Variants in TMEFF2 observed in about 807,000 individuals in gnomAD.
TMEFF2 encodes the protein transmembrane protein with EGF like and two follistatin like domains 2.
Under a neutral mutation model 53.8 loss-of-function variants are expected in TMEFF2, and 28 were observed. The observed-to-expected ratio is 0.52, with a 90% CI of 0.39 to 0.71. The LOEUF (loss-of-function observed/expected upper bound fraction) is 0.71, where lower values mean the gene tolerates loss of function less well. Among genes scored for constraint, TMEFF2 ranks in the 30% least tolerant of loss-of-function variants. The pLI is 0.00. For missense variants in TMEFF2, 353 were observed against 455.2 expected, an observed-to-expected ratio of 0.78 and a Z score of 2.04; for synonymous variants, 162 against 166.3, an observed-to-expected ratio of 0.97 and a Z score of 0.20.
intron 7 of TMEFF2, among the ~76,000 whole-genome samples, chr2:191,971,787 TAGAG>T (rs1376345863): frequency 1.3e-5 from 2 of 152,108 alleles, no homozygotes; most frequent in African/African-American, 4.8e-5. Context: ...GCATGCATAT[TAGAG>T]AGTGAGATAG....
intron 4 of TMEFF2, among the ~76,000 whole-genome samples, chr2:192,061,777 T>G (rs1688049840): frequency 6.6e-6 from 1 of 151,884 alleles, no homozygotes; most frequent in Non-Finnish European, 1.5e-5. Flanking sequence ...GATGAGGGAG[T>G]TCTCACTCAG....
At chr2:192,065,486 C>T (rs181179518) in intron 4 of TMEFF2, among the ~76,000 whole-genome samples, 33 of 151,872 alleles carry the variant, frequency 2.2e-4, no homozygotes, top group African/African-American at 5.5e-4. Flanking sequence ...TAAATTATTA[C>T]GAGGCTGAGA....
intron 3 of TMEFF2, 73 bp from the exon 4 acceptor site, chr2:192,179,767 A>G: frequency 7.2e-7 from 1 of 1,395,004 alleles, no homozygotes; most frequent in Non-Finnish European, 9.6e-7. Context: ...GCTCAAGTTT[A>G]TTTTCTTAGT....
chr2:191,971,306 G>A (rs1017181275), intron 7 of TMEFF2, among the ~76,000 whole-genome samples: 1 of 152,170 alleles, frequency 6.6e-6, no homozygotes, highest in Admixed American at 6.5e-5. Context: ...AACCACTCAA[G>A]AAATCAATAG....
At chr2:192,097,485 G>A (rs532717355) in intron 4 of TMEFF2, among the ~76,000 whole-genome samples, 2 of 152,104 alleles carry the variant, frequency 1.3e-5, no homozygotes, top group African/African-American at 2.4e-5. Context: ...CAAACATTTC[G>A]AATAGATTTT....
At chr2:191,994,468 CAG>C (rs1240798355) in intron 7 of TMEFF2, among the ~76,000 whole-genome samples, 1 of 147,546 alleles carries the variant, frequency 6.8e-6, no homozygotes, top group Non-Finnish European at 1.5e-5. Flanking sequence ...AACTTTTAGA[CAG>C]AAAAACAACA....
chr2:191,977,095 A>G (rs1685747237), intron 7 of TMEFF2, among the ~76,000 whole-genome samples: 1 of 152,262 alleles, frequency 6.6e-6, no homozygotes, highest in Non-Finnish European at 1.5e-5. Flanking sequence ...TATTATTTTC[A>G]TTCTCAGAGG....
At chr2:192,049,721 G>A (rs1034974935) in intron 5 of TMEFF2, among the ~76,000 whole-genome samples, 3 of 152,146 alleles carry the variant, frequency 2.0e-5, no homozygotes, top group Non-Finnish European at 2.9e-5. Context: ...GCAAGTAAAG[G>A]CCAGGTGCGA....
intron 7 of TMEFF2, among the ~76,000 whole-genome samples, chr2:191,974,220 G>A (rs1253108987): frequency 2.0e-5 from 3 of 152,126 alleles, no homozygotes. Context: ...TTCCAGATCA[G>A]AAAACAATTT....
intron 4 of TMEFF2, among the ~76,000 whole-genome samples, chr2:192,130,910 CG>C (rs1398549838): frequency 2.0e-5 from 3 of 150,832 alleles, no homozygotes; most frequent in Admixed American, 2.0e-4. Flanking sequence ...GCGCTGGTCA[CG>C]GACTGGGAAG....
chr2:192,125,394 CAT>C (rs983786849), intron 4 of TMEFF2, among the ~76,000 whole-genome samples: 7 of 152,062 alleles, frequency 4.6e-5, no homozygotes, highest in African/African-American at 9.7e-5. Context: ...TTTTAAAAAA[CAT>C]ATAGAAATAT....
chr2:192,059,369 G>A (rs894346933), intron 4 of TMEFF2, among the ~76,000 whole-genome samples: 1 of 152,036 alleles, frequency 6.6e-6, no homozygotes, highest in African/African-American at 2.4e-5. Flanking sequence ...CTTTAATATA[G>A]GCAAGACCAT....
intron 3 of TMEFF2, among the ~76,000 whole-genome samples, chr2:192,183,603 A>G (rs1174425106): frequency 1.3e-5 from 2 of 152,066 alleles, no homozygotes; most frequent in Non-Finnish European, 2.9e-5. Flanking sequence ...AGCCTCTACA[A>G]TATATGTGAT....
chr2:192,006,889 G>A (rs1290504833), intron 5 of TMEFF2, among the ~76,000 whole-genome samples: 3 of 152,170 alleles, frequency 2.0e-5, no homozygotes, highest in Non-Finnish European at 2.9e-5. Flanking sequence ...GACATGGTGA[G>A]TTGGAGTTAT....
At chr2:192,040,159 T>C (rs1045449406) in intron 5 of TMEFF2, among the ~76,000 whole-genome samples, 1 of 152,074 alleles carries the variant, frequency 6.6e-6, no homozygotes, top group Admixed American at 6.6e-5. Flanking sequence ...GATGAACTAG[T>C]TGTCTTTTCT....
chr2:192,039,051 C>G (rs6743150), intron 5 of TMEFF2, among the ~76,000 whole-genome samples: 16,681 of 152,116 alleles, frequency 0.11, 1,084 homozygotes, highest in East Asian at 0.31. Flanking sequence ...TCCCGCCCCC[C>G]CCATCTAACT....
chr2:192,003,138 A>C (rs926749378), intron 5 of TMEFF2, among the ~76,000 whole-genome samples: 1 of 152,140 alleles, frequency 6.6e-6, no homozygotes, highest in Non-Finnish European at 1.5e-5. Flanking sequence ...CAATAACTAC[A>C]TGTTGGATAG....
intron 4 of TMEFF2, among the ~76,000 whole-genome samples, chr2:192,070,004 A>G (rs1181951998): frequency 0.037 from 399 of 10,702 alleles, 23 homozygotes; most frequent in African/African-American, 0.07. Flanking sequence ...ATATATATAT[A>G]TATATATATA....
chr2:192,106,161 TAAGA>T (rs749200911), intron 4 of TMEFF2, among the ~76,000 whole-genome samples: 5 of 151,600 alleles, frequency 3.3e-5, no homozygotes, highest in Non-Finnish European at 5.9e-5. Flanking sequence ...ATTATGGAGA[TAAGA>T]AAGGAATGCT....
Sources: allele counts gnomAD v4.1 joint callset (sites outside exome capture counted in the v4.1 genomes callset), GRCh38; gene constraint gnomAD v4.1.1; transcripts MANE v1.5; gene names NCBI Gene and HGNC (gene_info 2026-07-23, HGNC 2026-07-21).